Variants in NT5DC3 observed in about 807,000 individuals in gnomAD.
NT5DC3 encodes 5'-nucleotidase domain-containing protein 3.
Under a neutral mutation model 67.8 loss-of-function variants are expected in NT5DC3, and 42 were observed. The observed-to-expected ratio is 0.62, with a 90% CI of 0.48 to 0.80. NT5DC3 has a LOEUF of 0.80. NT5DC3 is among the 30% of genes least tolerant of loss of function. The pLI is 0.00. For missense variants in NT5DC3, 570 were observed against 696.4 expected, an observed-to-expected ratio of 0.82 and a Z score of 2.04; for synonymous variants, 237 against 255.6, an observed-to-expected ratio of 0.93 and a Z score of 0.69.
the NT5DC3 span, chr12:103,753,298 G>A: frequency 6.2e-7 from 1 of 1,614,252 alleles, no homozygotes; most frequent in Non-Finnish European, 8.5e-7. Context: ...AGAGAGGCCT[G>A]TGCCAACGAA....
intron 4 of NT5DC3, among the ~76,000 whole-genome samples, chr12:103,799,450 A>C (rs1886466119): frequency 6.6e-6 from 1 of 152,024 alleles, no homozygotes; most frequent in African/African-American, 2.4e-5. Context: ...TTCCCCTTTC[A>C]CTTGGCTCTC....
At chr12:103,790,692 ATCT>A (rs1271473291) in intron 9 of NT5DC3, among the ~76,000 whole-genome samples, 2 of 106,812 alleles carry the variant, frequency 1.9e-5, no homozygotes, top group Non-Finnish European at 3.8e-5. Flanking sequence ...GCCCAAGTAC[ATCT>A]TTTTTTTTTT....
intron 6 of NT5DC3, among the ~76,000 whole-genome samples, chr12:103,795,357 C>A (rs997878318): frequency 1.3e-5 from 2 of 152,154 alleles, no homozygotes; most frequent in African/African-American, 4.8e-5. Flanking sequence ...AAGCTCTACA[C>A]AAGTATTTGC....
intron 2 of NT5DC3, among the ~76,000 whole-genome samples, chr12:103,808,510 G>A (rs1234815469): frequency 6.6e-6 from 1 of 152,164 alleles, no homozygotes; most frequent in Non-Finnish European, 1.5e-5. Context: ...AACATTTCCT[G>A]GGACCAGCAG....
chr12:103,762,936 C>T, the NT5DC3 span, among the ~76,000 whole-genome samples: 1 of 152,310 alleles, frequency 6.6e-6, no homozygotes, highest in Non-Finnish European at 1.5e-5. Flanking sequence ...AGCAGCACAG[C>T]GGTTGAGCAT....
chr12:103,830,561 T>C (rs757673259), intron 1 of NT5DC3, among the ~76,000 whole-genome samples: 31 of 152,346 alleles, frequency 2.0e-4, no homozygotes, highest in Non-Finnish European at 3.1e-4. Flanking sequence ...ATAATATCCA[T>C]CTCTTTGATT....
intron 9 of NT5DC3, among the ~76,000 whole-genome samples, chr12:103,791,941 A>T (rs1372447488): frequency 1.3e-5 from 2 of 152,220 alleles, no homozygotes; most frequent in Non-Finnish European, 2.9e-5. Flanking sequence ...ATTGTCGTCC[A>T]TGAAACCGGC....
At chr12:103,812,351 C>A (rs188150881) in intron 2 of NT5DC3, among the ~76,000 whole-genome samples, 1 of 152,100 alleles carries the variant, frequency 6.6e-6, no homozygotes, top group Non-Finnish European at 1.5e-5. Flanking sequence ...GAAAAATTTG[C>A]GTAAGCATAA....
the NT5DC3 span, among the ~76,000 whole-genome samples, chr12:103,757,010 T>A: frequency 0.66 from 90,113 of 137,482 alleles, 29,496 homozygotes; most frequent in African/African-American, 0.75. Flanking sequence ...TATATATATA[T>A]ATATATATAT....
chr12:103,781,187 G>C (rs779094585), intron 12 of NT5DC3, among the ~76,000 whole-genome samples: 1 of 152,114 alleles, frequency 6.6e-6, no homozygotes, highest in Non-Finnish European at 1.5e-5. Context: ...GCACATGATC[G>C]CAGGGAACAG....
intron 4 of NT5DC3, among the ~76,000 whole-genome samples, chr12:103,804,895 T>C (rs1029541116): frequency 2.0e-5 from 3 of 152,022 alleles, no homozygotes; most frequent in African/African-American, 7.2e-5. Context: ...CTTTTAAAAA[T>C]ACAAAACTAG....
rs1885722981 is a variant in NT5DC3 at position 103,785,444 on chromosome 12, C to T, written c.1220G>A (p.Gly407Asp). ...DLTLKHGWRT[G>D]AIIPELRSEL... ...AGATCTCAACTCTGGGATGATTGCA[C>T]CAGTCCTCCAGCCATGCTTTAGGGT... Residue 407 changes from glycine (G) to aspartate (D), a missense_variant, in exon 12 of 14, where the codon GGT becomes GAT. Around this residue, in one of 2 missense-constraint regions of NT5DC3, gnomAD observed 466 missense variants for 608.0 expected, o/e 0.77. Transcript: ENST00000392876. 1.9e-6 allele frequency: 3 copies of T among 1,613,928 alleles called. No homozygotes were observed. The highest frequency in any genetic ancestry group is 1.1e-5 in the South Asian group (1 of 91,088).
intron 1 of NT5DC3, among the ~76,000 whole-genome samples, chr12:103,832,588 G>T (rs981282541): frequency 6.6e-6 from 1 of 152,032 alleles, no homozygotes; most frequent in African/African-American, 2.4e-5. Context: ...AGGGGAAAAT[G>T]AACTCTAGCT....
At chr12:103,826,449 A>C (rs950503225) in intron 1 of NT5DC3, among the ~76,000 whole-genome samples, 9 of 152,212 alleles carry the variant, frequency 5.9e-5, no homozygotes, top group African/African-American at 1.9e-4. Flanking sequence ...TCAGTGTGAG[A>C]GGGATGTGAT....
chr12:103,766,189 A>G (rs1884948271), downstream of NT5DC3: 3 of 1,486,732 alleles, frequency 2.0e-6, no homozygotes, highest in Non-Finnish European at 2.8e-6. Context: ...CACAGTGCTC[A>G]GGGAGAGTCA....
chr12:103,765,251 G>C, the NT5DC3 span, among the ~76,000 whole-genome samples: 2 of 152,110 alleles, frequency 1.3e-5, no homozygotes, highest in South Asian at 4.1e-4. Flanking sequence ...GTCCCCTTCT[G>C]AGGGCTCTAT....
chr12:103,760,817 G>C, the NT5DC3 span, among the ~76,000 whole-genome samples: 2 of 152,194 alleles, frequency 1.3e-5, no homozygotes, highest in African/African-American at 4.8e-5. Context: ...AATTTAATGT[G>C]CATTTGAATC....
intron 11 of NT5DC3, among the ~76,000 whole-genome samples, chr12:103,786,681 ATTTTTT>A (rs3036176): frequency 1.5e-5 from 2 of 132,364 alleles, no homozygotes; most frequent in Non-Finnish European, 3.2e-5. Context: ...CACTGGTTTG[ATTTTTT>A]TTTTTTTTTT....
chr12:103,839,000 A>G (rs2139499070), intron 1 of NT5DC3, among the ~76,000 whole-genome samples: 2 of 152,326 alleles, frequency 1.3e-5, no homozygotes, highest in East Asian at 3.9e-4. Flanking sequence ...AGACCGAATG[A>G]GGGATCTTTA....
Sources: allele counts gnomAD v4.1 joint callset (sites outside exome capture counted in the v4.1 genomes callset), GRCh38; gene constraint gnomAD v4.1.1; regional missense constraint gnomAD v4.1.1; transcripts MANE v1.5; gene names NCBI Gene and HGNC (gene_info 2026-07-23, HGNC 2026-07-21).